RIMS2: variants seen among roughly 807,000 people sequenced by gnomAD.
RIMS2 encodes regulating synaptic membrane exocytosis protein 2.
In RIMS2, 59 loss-of-function variants were observed where a neutral mutation model predicts 174.4. The ratio of observed to expected loss-of-function variants is 0.34; its 90% CI spans 0.27 to 0.42. The LOEUF is 0.42. Among genes scored for constraint, RIMS2 ranks in the 10% least tolerant of loss-of-function variants. The probability of loss-of-function intolerance (pLI) is 1.00; values close to 1 mark genes in which losing one functional copy is unlikely to be tolerated. For missense variants in RIMS2, 1,620 were observed against 1,666.3 expected, an observed-to-expected ratio of 0.97 and a Z score of 0.48; for synonymous variants, 606 against 572.5, an observed-to-expected ratio of 1.06 and a Z score of -0.84.
Position 104,013,491 on chromosome 8 carries a change from G to A in RIMS2, c.3094G>A (p.Glu1032Lys), listed in dbSNP as rs1597124445. The change falls in exon 18 of 24, where the codon GAA becomes AAA. Residue 1032 changes from glutamate to lysine, a missense_variant. Physicochemically the swap from Glu to Lys is moderately conservative, Grantham distance 56 (BLOSUM62 1). Around this residue, in one of 2 missense-constraint regions of RIMS2, gnomAD observed 1,395 missense variants for 1,360.1 expected, o/e 1.03. Transcript: ENST00000504942. ...GCCATATCACAGATCCAGATCAACA[G>A]AACAACGGCCTCTCCTTGAGCGGAC... 12 of 1,613,872 alleles carry A rather than the reference G, an allele frequency of 7.4e-6. No individual in the cohort carries two copies. The highest frequency in any genetic ancestry group is 9.3e-6 in the Non-Finnish European group (11 of 1,179,836).
intron 19 of RIMS2, among the ~76,000 whole-genome samples, chr8:104,215,902 G>C (rs2099127679): frequency 6.6e-6 from 1 of 152,114 alleles, no homozygotes; most frequent in Non-Finnish European, 1.5e-5. Context: ...GGCATATATA[G>C]TAGTTATTAT....
chr8:103,927,233 A>G (rs1454215875), intron 10 of RIMS2, among the ~76,000 whole-genome samples: 11 of 151,566 alleles, frequency 7.3e-5, no homozygotes, highest in Non-Finnish European at 1.5e-4. Flanking sequence ...TTTCAATACT[A>G]GAACCTGATA....
At chr8:103,677,169 G>T (rs934555258) in intron 1 of RIMS2, among the ~76,000 whole-genome samples, 1 of 151,948 alleles carries the variant, frequency 6.6e-6, no homozygotes, top group Non-Finnish European at 1.5e-5. Flanking sequence ...TAGAAATTAG[G>T]ATTCCATTTT....
chr8:104,161,863 G>C (rs528247896), intron 19 of RIMS2, among the ~76,000 whole-genome samples: 1 of 152,180 alleles, frequency 6.6e-6, no homozygotes, highest in East Asian at 1.9e-4. Context: ...TGGACCTCAG[G>C]TTCCCATTTT....
At chr8:104,225,946 C>T (rs1043312938) in intron 19 of RIMS2, among the ~76,000 whole-genome samples, 8 of 152,104 alleles carry the variant, frequency 5.3e-5, no homozygotes, top group African/African-American at 1.9e-4. Flanking sequence ...TTTGAAAGTC[C>T]TGGAATTTTT....
intron 1 of RIMS2, among the ~76,000 whole-genome samples, chr8:103,642,838 T>C (rs1202997529): frequency 5.9e-5 from 9 of 151,990 alleles, no homozygotes; most frequent in African/African-American, 2.2e-4. Context: ...TTTCAAAATG[T>C]CATCTTTGTC....
intron 19 of RIMS2, among the ~76,000 whole-genome samples, chr8:104,143,828 C>A (rs914544493): frequency 9.9e-5 from 15 of 152,142 alleles, no homozygotes; most frequent in Admixed American, 5.2e-4. Context: ...GTCTTTCATT[C>A]CTTGGTAAAT....
At chr8:104,215,797 C>T (rs745636239) in intron 19 of RIMS2, among the ~76,000 whole-genome samples, 1 of 152,158 alleles carries the variant, frequency 6.6e-6, no homozygotes, top group African/African-American at 2.4e-5. Context: ...ACTTGGAAAC[C>T]ATCCTTGCCA....
intron 19 of RIMS2, among the ~76,000 whole-genome samples, chr8:104,083,691 A>G (rs77720566): frequency 0.036 from 5,484 of 152,268 alleles, 148 homozygotes; most frequent in Non-Finnish European, 0.059. Context: ...GGTTTAGATT[A>G]GCAGCAGGCA....
intron 1 of RIMS2, among the ~76,000 whole-genome samples, chr8:103,637,486 A>C (rs901791474): frequency 1.3e-5 from 2 of 152,252 alleles, no homozygotes; most frequent in Non-Finnish European, 2.9e-5. Context: ...TACTTGTGAA[A>C]GATAAGTATT....
At chr8:103,633,530 C>G (rs1309776946) in intron 1 of RIMS2, among the ~76,000 whole-genome samples, 2 of 152,102 alleles carry the variant, frequency 1.3e-5, no homozygotes, top group Non-Finnish European at 2.9e-5. Flanking sequence ...GTTTTGGTAT[C>G]AAGATGATGC....
intron 19 of RIMS2, among the ~76,000 whole-genome samples, chr8:104,124,313 T>C (rs2098410827): frequency 6.6e-6 from 1 of 152,078 alleles, no homozygotes; most frequent in Non-Finnish European, 1.5e-5. Flanking sequence ...GCTTTCTGCT[T>C]GCCAGTGGAC....
intron 1 of RIMS2, among the ~76,000 whole-genome samples, chr8:103,607,514 G>C (rs1053112707): frequency 6.7e-6 from 1 of 150,364 alleles, no homozygotes; most frequent in African/African-American, 2.5e-5. Flanking sequence ...TCTTTGTGTC[G>C]TTCTCTGTTT....
chr8:103,540,286 G>A lies in RIMS2; in HGVS notation c.176+39224G>A, dbSNP rs560291574. Among the ~76,000 whole-genome samples the A allele has an allele frequency of 2.6e-4, 39 of 152,184 alleles. No homozygotes were observed. The South Asian group carries it at 8.1e-3, about 32-fold the overall frequency. On this transcript the variant is annotated intron_variant, in intron 1 of 23. Transcript: ENST00000504942. ...CCTTTAGTCACAACTTCCTCGGTGG[G>A]AGAAAAAGAAATTGGGTGGACCTTA...
chr8:103,937,747 A>C (rs895016562), intron 13 of RIMS2, among the ~76,000 whole-genome samples: 3 of 152,186 alleles, frequency 2.0e-5, no homozygotes, highest in African/African-American at 7.2e-5. Flanking sequence ...TGAAATTGGA[A>C]GGGAATATGG....
chr8:103,939,224 C>A (rs1347913619), intron 13 of RIMS2, among the ~76,000 whole-genome samples: 1 of 152,242 alleles, frequency 6.6e-6, no homozygotes, highest in Admixed American at 6.5e-5. Context: ...AAACTTTTAC[C>A]TGGACATCCA....
chr8:103,956,249 A>G (rs1427522063), intron 14 of RIMS2, among the ~76,000 whole-genome samples: 1 of 152,196 alleles, frequency 6.6e-6, no homozygotes, highest in Non-Finnish European at 1.5e-5. Context: ...GGAAAAAACT[A>G]CTTTAAATTT....
chr8:104,020,057 C>T (rs10100988), intron 19 of RIMS2, among the ~76,000 whole-genome samples: 2,256 of 152,128 alleles, frequency 0.015, 52 homozygotes, highest in African/African-American at 0.051. Flanking sequence ...AACATAAAAG[C>T]ATAACCATAT....
intron 1 of RIMS2, among the ~76,000 whole-genome samples, chr8:103,596,378 GT>G (rs775303120): frequency 2.6e-5 from 4 of 151,944 alleles, no homozygotes; most frequent in Non-Finnish European, 5.9e-5. Flanking sequence ...TAAACCTTGG[GT>G]TTTTGTTTTG....
Sources: allele counts gnomAD v4.1 joint callset (sites outside exome capture counted in the v4.1 genomes callset), GRCh38; gene constraint gnomAD v4.1.1; regional missense constraint gnomAD v4.1.1; transcripts MANE v1.5; gene names NCBI Gene and HGNC (gene_info 2026-07-23, HGNC 2026-07-21).